The following CTNNA2 variants were observed in gnomAD, a reference collection of about 807,000 sequenced individuals.
CTNNA2 encodes the protein catenin alpha 2, also known as catenin alpha-2.
A neutral mutation model predicts 101.0 loss-of-function variants in CTNNA2; 42 were observed. The observed-to-expected ratio is 0.42, with a 90% CI of 0.32 to 0.54. CTNNA2 has a LOEUF of 0.54. Ranked by LOEUF, CTNNA2 falls within the 20% of genes least tolerant of loss-of-function variation. The pLI is 0.14. For missense variants in CTNNA2, 871 were observed against 1,223.1 expected, an observed-to-expected ratio of 0.71 and a Z score of 4.29; for synonymous variants, 450 against 456.4, an observed-to-expected ratio of 0.99 and a Z score of 0.18.
chr2:79,872,552 C>T (rs1262790569), intron 5 of CTNNA2, among the ~76,000 whole-genome samples: 2 of 152,120 alleles, frequency 1.3e-5, no homozygotes, highest in East Asian at 3.9e-4. Flanking sequence ...ATTTTCATCT[C>T]TGGGGCTCAA....
chr2:79,692,461 G>A (rs1558843886), intron 2 of CTNNA2, among the ~76,000 whole-genome samples: 1 of 152,064 alleles, frequency 6.6e-6, no homozygotes, highest in Non-Finnish European at 1.5e-5. Context: ...AGACAGTGTG[G>A]CATATCCTCA....
intron 7 of CTNNA2, among the ~76,000 whole-genome samples, chr2:80,010,926 C>G (rs1693732582): frequency 1.3e-5 from 2 of 152,058 alleles, no homozygotes; most frequent in Non-Finnish European, 2.9e-5. Flanking sequence ...AATTGAGGGT[C>G]TCCATATATA....
At chr2:80,634,845 G>A (rs1263588229) in intron 18 of CTNNA2, among the ~76,000 whole-genome samples, 1 of 152,138 alleles carries the variant, frequency 6.6e-6, no homozygotes, top group Non-Finnish European at 1.5e-5. Context: ...TATAGCATAA[G>A]ATTCTGGGTG....
At chr2:79,757,728 T>C (rs1422502943) in intron 3 of CTNNA2, among the ~76,000 whole-genome samples, 1 of 152,012 alleles carries the variant, frequency 6.6e-6, no homozygotes, top group Non-Finnish European at 1.5e-5. Flanking sequence ...TGCAGTAGAG[T>C]CCAGGTTCAA....
At chr2:79,397,942 A>C (rs752656828) in intron 4 of CTNNA2, among the ~76,000 whole-genome samples, 7 of 152,110 alleles carry the variant, frequency 4.6e-5, no homozygotes, top group Non-Finnish European at 8.8e-5. Context: ...CTTTTCCTTC[A>C]ACAAGAACTT....
intron 1 of CTNNA2, among the ~76,000 whole-genome samples, chr2:79,645,500 G>A (rs146304883): frequency 2.4e-4 from 37 of 152,256 alleles, no homozygotes; most frequent in African/African-American, 8.9e-4. Context: ...TGCAAAAAAG[G>A]CAGAGAAAAA....
At chr2:79,198,850 A>T (rs1645582655) in intron 2 of CTNNA2, among the ~76,000 whole-genome samples, 1 of 137,100 alleles carries the variant, frequency 7.3e-6, no homozygotes, top group African/African-American at 2.7e-5. Context: ...ATCATGGCTT[A>T]CAGAGATATA....
chr2:80,031,089 A>G (rs1236872933), intron 7 of CTNNA2, among the ~76,000 whole-genome samples: 2 of 152,156 alleles, frequency 1.3e-5, no homozygotes, highest in African/African-American at 4.8e-5. Context: ...TTGACCCAAT[A>G]ATCCCATTTC....
intron 7 of CTNNA2, among the ~76,000 whole-genome samples, chr2:80,052,143 A>T (rs1204401106): frequency 1.3e-5 from 2 of 152,230 alleles, no homozygotes; most frequent in Non-Finnish European, 2.9e-5. Flanking sequence ...TTTAAATATG[A>T]TCTGAAATAC....
chr2:79,980,821 C>T (rs1187214337), intron 7 of CTNNA2, among the ~76,000 whole-genome samples: 2 of 152,062 alleles, frequency 1.3e-5, no homozygotes, highest in African/African-American at 4.8e-5. Context: ...TGTAGTCACA[C>T]TTTAGTAAAT....
intron 4 of CTNNA2, among the ~76,000 whole-genome samples, chr2:79,502,118 C>G (rs1030542): frequency 0.74 from 112,380 of 151,892 alleles, 41,988 homozygotes; most frequent in African/African-American, 0.85. Context: ...ACACCTGGGG[C>G]ACAAGTATAC....
chr2:80,104,412 A>C (rs1274865828), intron 7 of CTNNA2, among the ~76,000 whole-genome samples: 1 of 152,218 alleles, frequency 6.6e-6, no homozygotes, highest in Non-Finnish European at 1.5e-5. Flanking sequence ...AGCAGCCTAC[A>C]GGGAAGCCCC....
At chr2:80,583,518 G>A (rs1344037132) in intron 14 of CTNNA2, among the ~76,000 whole-genome samples, 4 of 152,118 alleles carry the variant, frequency 2.6e-5, no homozygotes, top group Non-Finnish European at 4.4e-5. Context: ...CTGACAAAGG[G>A]CAATTTTGAG....
chr2:79,266,466 G>A (rs1289834521), intron 2 of CTNNA2, among the ~76,000 whole-genome samples: 1 of 152,100 alleles, frequency 6.6e-6, no homozygotes, highest in African/African-American at 2.4e-5. Context: ...CTTATCTACT[G>A]ATATTTCCTG....
chr2:80,145,335 A>G (rs1703267088), intron 7 of CTNNA2, among the ~76,000 whole-genome samples: 1 of 152,126 alleles, frequency 6.6e-6, no homozygotes, highest in Non-Finnish European at 1.5e-5. Context: ...CATTCATCCA[A>G]CAAATATTTA....
intron 7 of CTNNA2, among the ~76,000 whole-genome samples, chr2:80,110,969 G>A (rs1397711101): frequency 2.0e-5 from 3 of 152,180 alleles, no homozygotes; most frequent in Admixed American, 2.0e-4. Context: ...GAGGCCTCAG[G>A]AAACTTATGA....
At chr2:80,587,461 A>G (rs926878460) in intron 14 of CTNNA2, among the ~76,000 whole-genome samples, 5 of 152,164 alleles carry the variant, frequency 3.3e-5, no homozygotes, top group African/African-American at 1.2e-4. Context: ...GAAAAAACAC[A>G]TATTATTTAA....
intron 7 of CTNNA2, among the ~76,000 whole-genome samples, chr2:79,992,655 A>G (rs909268147): frequency 6.6e-6 from 1 of 152,204 alleles, no homozygotes; most frequent in African/African-American, 2.4e-5. Flanking sequence ...AGGTGGTAGT[A>G]GTTGTCGAAA....
intron 7 of CTNNA2, among the ~76,000 whole-genome samples, chr2:80,062,122 G>T (rs977317541): frequency 6.6e-6 from 1 of 152,140 alleles, no homozygotes; most frequent in African/African-American, 2.4e-5. Flanking sequence ...ATCAGTTTGG[G>T]TTCAGAAGAA....
Sources: allele counts gnomAD v4.1 joint callset (sites outside exome capture counted in the v4.1 genomes callset), GRCh38; gene constraint gnomAD v4.1.1; transcripts MANE v1.5; gene names NCBI Gene and HGNC (gene_info 2026-07-23, HGNC 2026-07-21).